RTN4: variants seen among roughly 807,000 people sequenced by gnomAD.
The protein encoded by RTN4 is reticulon 4.
Under a neutral mutation model 90.4 loss-of-function variants are expected in RTN4, and 32 were observed. The ratio of observed to expected loss-of-function variants is 0.35; its 90% CI spans 0.27 to 0.48. RTN4 has a LOEUF of 0.48. Among genes scored for constraint, RTN4 ranks in the 20% least tolerant of loss-of-function variants. The probability of loss-of-function intolerance (pLI) is 0.99; values close to 1 mark genes in which losing one functional copy is unlikely to be tolerated. For missense variants in RTN4, 1,706 were observed against 1,430.2 expected, an observed-to-expected ratio of 1.19 and a Z score of -3.11; for synonymous variants, 629 against 552.5, an observed-to-expected ratio of 1.14 and a Z score of -1.94.
chr2:55,028,689 T>C (rs940439298), intron 1 of RTN4, among the ~76,000 whole-genome samples: 2 of 152,232 alleles, frequency 1.3e-5, no homozygotes, highest in Admixed American at 6.5e-5. Context: ...TAAAGAATTA[T>C]GCATTTTCTC....
chr2:55,056,553 G>C (rs1055618118), intron 2 of RTN4: 1 of 151,606 alleles, frequency 6.6e-6, no homozygotes, highest in African/African-American at 2.4e-5. Flanking sequence ...TGGCGAACCT[G>C]ATTTCTACAA....
rs1025950417 is a variant in RTN4, at chr2:55,086,829, A to AT, written c.-213-6191dup. 1.2e-4 allele frequency among the ~76,000 whole-genome samples: 17 copies of AT among 145,376 alleles called. 1 individual carries two copies. Among genetic ancestry groups the AT allele is most frequent in the South Asian group, 6.4e-4 (3 of 4,718 alleles). On this transcript the variant is annotated intron_variant, in intron 1 of 3. Transcript: ENST00000427710. ...TTGCCTTTGTTTTCAACTTTAATTT[A>AT]TTTTTTTTTTTTTGTAGACGATTTC...
At chr2:55,017,657 G>T (rs899569655) in intron 3 of RTN4, among the ~76,000 whole-genome samples, 1 of 152,248 alleles carries the variant, frequency 6.6e-6, no homozygotes, top group South Asian at 2.1e-4. Flanking sequence ...AGTTTGGACA[G>T]GAAACATGAG....
upstream of RTN4, among the ~76,000 whole-genome samples, chr2:55,115,133 C>T (rs1447358572): frequency 6.6e-6 from 1 of 152,208 alleles, no homozygotes; most frequent in Non-Finnish European, 1.5e-5. Context: ...CTAGTTACTA[C>T]AAATTAGTGG....
rs1668033591 is a variant in RTN4 at position 55,050,292 on chromosome 2, G to C, written c.9C>G (p.Asp3Glu). 1 of 1,443,926 alleles carries C rather than the reference G, an allele frequency of 6.9e-7. No individual in the cohort carries two copies. The highest frequency in any genetic ancestry group is 9.1e-7 in the Non-Finnish European group (1 of 1,098,238). 89.4% of individuals were successfully genotyped at this position (1,443,926 alleles called of 1,614,324 possible). The change falls in exon 1 of 9, where the codon GAC becomes GAG. Residue 3 changes from aspartate to glutamate, a missense_variant. Physicochemically the swap from Asp to Glu is conservative, Grantham distance 45. Transcript: ENST00000337526. The surrounding 1 kb of genome is among the most constrained non-coding windows in gnomAD (Gnocchi z 4.6). The part of the protein sequence containing the change: ME[D>E]LDQSPLVSSS... ...ACGAGACCAGAGGAGACTGGTCCAG[G>C]TCTTCCATGGCTGGAGGGTGGAGAT...
chr2:54,981,066 T>C (rs752317866), intron 5 of RTN4, among the ~76,000 whole-genome samples: 13 of 152,178 alleles, frequency 8.5e-5, no homozygotes, highest in Non-Finnish European at 5.9e-5. Context: ...ACTACAGATT[T>C]AGTCACTAAA....
chr2:55,128,153 G>C, the RTN4 span, among the ~76,000 whole-genome samples: 1 of 152,224 alleles, frequency 6.6e-6, no homozygotes, highest in East Asian at 1.9e-4. Context: ...GACTGTGACT[G>C]TTTTTTCCAC....
At chr2:55,117,905 A>G in the RTN4 span, among the ~76,000 whole-genome samples, 2 of 152,182 alleles carry the variant, frequency 1.3e-5, no homozygotes, top group African/African-American at 4.8e-5. Context: ...ATGGGTGGAA[A>G]TGACATAGGG....
intron 1 of RTN4, among the ~76,000 whole-genome samples, chr2:55,106,683 C>G (rs1182403736): frequency 6.6e-6 from 1 of 151,862 alleles, no homozygotes; most frequent in Non-Finnish European, 1.5e-5. Context: ...CCATGCCCGG[C>G]TAATTTTTGT....
At chr2:55,123,930 C>T in the RTN4 span, among the ~76,000 whole-genome samples, 2 of 152,118 alleles carry the variant, frequency 1.3e-5, no homozygotes, top group East Asian at 3.9e-4. Flanking sequence ...TGAAGTCCAG[C>T]ATCTCTCTGT....
Position 55,026,800 on chromosome 2 carries a change from A to G in RTN4, c.1299T>C (p.Asn433=), listed in dbSNP as rs763270765. 20 of 1,613,922 alleles carry G rather than the reference A, an allele frequency of 1.2e-5. No individual in the cohort carries two copies. The South Asian group carries it at 1.9e-4, about 15-fold the overall frequency. The change falls in exon 3 of 9, where the codon AAT becomes AAC. Residue 433 remains asparagine, a synonymous_variant. Coordinates refer to ENST00000337526, the MANE Select transcript of RTN4 (RefSeq NM_020532.5). ...TACTACTCTCACTATCTTTTTCGTGATTAGTTTGCTCAAGGCTATCTGCAA... is the reference window on the plus strand; with the variant it reads ...TACTACTCTCACTATCTTTTTCGTGGTTAGTTTGCTCAAGGCTATCTGCAA... ...KCFADSLEQT[N]HEKDSESSND... is the part of the protein sequence containing the mutation.
intron 2 of RTN4, among the ~76,000 whole-genome samples, chr2:55,076,775 T>C (rs534674025): frequency 3.8e-4 from 58 of 152,250 alleles, no homozygotes; most frequent in African/African-American, 1.2e-3. Context: ...AAGTGAATCA[T>C]GGGGGTGGTT....
intron 3 of RTN4, among the ~76,000 whole-genome samples, chr2:55,021,269 GTACC>G (rs1681410475): frequency 6.6e-6 from 1 of 152,036 alleles, no homozygotes; most frequent in South Asian, 2.1e-4. Context: ...ACACAGGTAA[GTACC>G]TATCCTCACT....
At chr2:55,129,575 CTGTTT>C in the RTN4 span, among the ~76,000 whole-genome samples, 1 of 133,816 alleles carries the variant, frequency 7.5e-6, no homozygotes, top group African/African-American at 3.0e-5. Flanking sequence ...CAAAGCAAGA[CTGTTT>C]TTTTTTTGAG....
the RTN4 span, among the ~76,000 whole-genome samples, chr2:55,137,454 T>C: frequency 6.6e-6 from 1 of 152,172 alleles, no homozygotes; most frequent in Non-Finnish European, 1.5e-5. Context: ...TCAGTGGGAA[T>C]AGACAGCAGG....
chr2:55,013,724 C>T (rs1181653918), intron 3 of RTN4, among the ~76,000 whole-genome samples: 1 of 152,056 alleles, frequency 6.6e-6, no homozygotes, highest in African/African-American at 2.4e-5. Context: ...AAGTCCACCC[C>T]AGCCAGCTCT....
At chr2:55,034,742 T>TAATTTTTCTC (rs1411997662) in intron 1 of RTN4, among the ~76,000 whole-genome samples, 1 of 152,220 alleles carries the variant, frequency 6.6e-6, no homozygotes, top group Non-Finnish European at 1.5e-5. Flanking sequence ...AGGTAGATGT[T>TAATTTTTCTC]AATTTTTCTC....
At chr2:55,134,030 G>T in the RTN4 span, among the ~76,000 whole-genome samples, 29 of 152,184 alleles carry the variant, frequency 1.9e-4, no homozygotes, top group African/African-American at 6.0e-4. Flanking sequence ...TGGGAAAGGG[G>T]TGGGGAATTT....
the RTN4 span, among the ~76,000 whole-genome samples, chr2:55,125,292 A>G: frequency 6.6e-6 from 1 of 152,238 alleles, no homozygotes; most frequent in Non-Finnish European, 1.5e-5. Flanking sequence ...TCTGCACAGC[A>G]AAAGAAACTA....
Sources: allele counts gnomAD v4.1 joint callset (sites outside exome capture counted in the v4.1 genomes callset), GRCh38; gene constraint gnomAD v4.1.1; non-coding constraint Gnocchi (gnomAD v3.1); transcripts MANE v1.5; gene names NCBI Gene and HGNC (gene_info 2026-07-23, HGNC 2026-07-21).